The following MAML2 variants were observed in gnomAD, a reference collection of about 807,000 sequenced individuals.
MAML2 encodes the protein mastermind like transcriptional coactivator 2.
In MAML2, 22 loss-of-function variants were observed where a neutral mutation model predicts 96.1. The observed-to-expected ratio is 0.23, with a 90% CI of 0.16 to 0.33. The LOEUF (loss-of-function observed/expected upper bound fraction) is 0.33. Among genes scored for constraint, MAML2 ranks in the 10% least tolerant of loss-of-function variants. The pLI is 1.00. For missense variants in MAML2, 1,367 were observed against 1,392.4 expected (o/e 0.98, Z 0.29); for synonymous variants, 561 against 521.3 (o/e 1.08, Z -1.04).
At chr11:96,019,570 T>C (rs1190421279) in intron 2 of MAML2, among the ~76,000 whole-genome samples, 1 of 151,860 alleles carries the variant, frequency 6.6e-6, no homozygotes, top group Non-Finnish European at 1.5e-5. Flanking sequence ...GAGATATAAC[T>C]CCTGGCATAT....
At chr11:96,141,435 G>A (rs1294776171) in intron 1 of MAML2, among the ~76,000 whole-genome samples, 1 of 152,108 alleles carries the variant, frequency 6.6e-6, no homozygotes, top group Non-Finnish European at 1.5e-5. Context: ...TACTACGTAA[G>A]AGGCCCCAGC....
chr11:96,094,888 T>G (rs1591010307), intron 1 of MAML2, among the ~76,000 whole-genome samples: 1 of 152,204 alleles, frequency 6.6e-6, no homozygotes, highest in Non-Finnish European at 1.5e-5. Flanking sequence ...CTCTCTCACC[T>G]GCCTGAAGAT....
chr11:96,198,665 C>A (rs1050958596), intron 1 of MAML2, among the ~76,000 whole-genome samples: 6 of 152,142 alleles, frequency 3.9e-5, no homozygotes, highest in Middle Eastern at 6.8e-3. Context: ...TGTCACTGCC[C>A]ACGGAGAGAT....
chr11:96,153,909 CTCAATAAA>C (rs1367373229), intron 1 of MAML2, among the ~76,000 whole-genome samples: 1 of 116,900 alleles, frequency 8.6e-6, no homozygotes, highest in Non-Finnish European at 1.9e-5. Context: ...AAGACTCCGT[CTCAATAAA>C]TAAATAAATA....
intron 1 of MAML2, among the ~76,000 whole-genome samples, chr11:96,135,861 T>C (rs1170972377): frequency 1.7e-3 from 88 of 52,002 alleles, no homozygotes; most frequent in African/African-American, 6.3e-3. Context: ...AGACACCATC[T>C]CAAAAAAAAA....
chr11:96,042,088 T>G (rs531470572), intron 2 of MAML2, among the ~76,000 whole-genome samples: 1 of 151,854 alleles, frequency 6.6e-6, no homozygotes, highest in Non-Finnish European at 1.5e-5. Context: ...GCCATTCTCC[T>G]GCCTCAGCCT....
intron 1 of MAML2, among the ~76,000 whole-genome samples, chr11:96,254,391 CTTT>C (rs201328694): frequency 8.8e-5 from 12 of 136,034 alleles, no homozygotes; most frequent in Non-Finnish European, 8.0e-5. Context: ...TGTTGCAGCT[CTTT>C]TTTTTTTTTT....
chr11:96,196,527 C>A (rs890927512), intron 1 of MAML2, among the ~76,000 whole-genome samples: 3 of 152,166 alleles, frequency 2.0e-5, no homozygotes, highest in Non-Finnish European at 4.4e-5. Context: ...AGAAATAATG[C>A]AAATGCAAAG....
At chr11:96,275,438 T>C (rs1139175) in intron 1 of MAML2, among the ~76,000 whole-genome samples, 2 of 152,034 alleles carry the variant, frequency 1.3e-5, no homozygotes, top group South Asian at 4.2e-4. Flanking sequence ...CCACTACGCC[T>C]AGCTAATTTT....
chr11:96,217,074 G>T (rs1234306528), intron 1 of MAML2, among the ~76,000 whole-genome samples: 2 of 152,180 alleles, frequency 1.3e-5, no homozygotes, highest in Admixed American at 1.3e-4. Context: ...CAATATGTTC[G>T]AATTCAGTGG....
At chr11:96,237,704 A>T (rs2135958649) in intron 1 of MAML2, among the ~76,000 whole-genome samples, 1 of 152,356 alleles carries the variant, frequency 6.6e-6, no homozygotes, top group South Asian at 2.1e-4. Flanking sequence ...ATTGTCGTGT[A>T]TTGAATCTGG....
intron 1 of MAML2, among the ~76,000 whole-genome samples, chr11:96,158,302 C>T (rs1042457475): frequency 6.6e-6 from 1 of 152,216 alleles, no homozygotes; most frequent in African/African-American, 2.4e-5. Flanking sequence ...ACCCAGTTGT[C>T]CTTCTCTAGC....
At chr11:96,131,185 C>T (rs1484209574) in intron 1 of MAML2, among the ~76,000 whole-genome samples, 2 of 151,672 alleles carry the variant, frequency 1.3e-5, no homozygotes, top group Non-Finnish European at 2.9e-5. Context: ...AAGAGAACAG[C>T]ATACATAAAG....
intron 1 of MAML2, among the ~76,000 whole-genome samples, chr11:96,233,182 T>A (rs528376214): frequency 5.8e-4 from 89 of 152,328 alleles, no homozygotes; most frequent in Admixed American, 1.2e-3. Flanking sequence ...CAATAAATTA[T>A]TTATTATACT....
intron 2 of MAML2, among the ~76,000 whole-genome samples, chr11:96,031,416 A>G (rs1858612943): frequency 6.6e-6 from 1 of 152,188 alleles, no homozygotes; most frequent in African/African-American, 2.4e-5. Context: ...ACTATGCTAA[A>G]GAGAAAAACA....
At chr11:96,243,599 A>C (rs1862468402) in intron 1 of MAML2, among the ~76,000 whole-genome samples, 1 of 151,626 alleles carries the variant, frequency 6.6e-6, no homozygotes, top group Non-Finnish European at 1.5e-5. Context: ...GAAGACCCAC[A>C]TGTTAAAACT....
At chr11:96,129,326 T>TAAA (rs982792330) in intron 1 of MAML2, among the ~76,000 whole-genome samples, 4 of 152,348 alleles carry the variant, frequency 2.6e-5, no homozygotes, top group African/African-American at 9.6e-5. Flanking sequence ...GAGGACTTTT[T>TAAA]AAAACACAGA....
intron 1 of MAML2, among the ~76,000 whole-genome samples, chr11:96,171,773 G>A (rs1350559909): frequency 2.6e-5 from 4 of 152,240 alleles, no homozygotes; most frequent in African/African-American, 9.6e-5. Context: ...CCAGTTAAAG[G>A]CAACCCAGGA....
At chr11:96,121,861 T>A (rs556484864) in intron 1 of MAML2, among the ~76,000 whole-genome samples, 1,642 of 133,144 alleles carry the variant, frequency 0.012, 41 homozygotes, top group African/African-American at 0.044. Context: ...ATCTCGGCTC[T>A]CTGCAAGCTC....
Sources: gnomAD v4.1 joint callset for allele counts (sites outside exome capture counted in the v4.1 genomes callset) on GRCh38, gnomAD v4.1.1 for gene constraint, MANE v1.5 for transcripts, NCBI Gene and HGNC (gene_info 2026-07-23, HGNC 2026-07-21) for gene names.